GRM7: variants seen among roughly 807,000 people sequenced by gnomAD.
The protein encoded by GRM7 is glutamate metabotropic receptor 7, also known as metabotropic glutamate receptor 7.
A neutral mutation model predicts 84.5 loss-of-function variants in GRM7; 35 were observed. The observed-to-expected ratio is 0.41, with a 90% CI of 0.32 to 0.55. The LOEUF is 0.55. GRM7 is among the 20% of genes least tolerant of loss of function. The pLI is 0.19. For missense variants in GRM7, 1,003 were observed against 1,194.6 expected (o/e 0.84, Z 2.36); for synonymous variants, 487 against 455.1 (o/e 1.07, Z -0.89).
chr3:7,325,327 C>T (rs7635246), intron 4 of GRM7, among the ~76,000 whole-genome samples: 9,460 of 152,176 alleles, frequency 0.062, 886 homozygotes, highest in African/African-American at 0.2. Flanking sequence ...GACCAAAGGA[C>T]CAAAGATTCT....
chr3:7,019,406 GTATT>G (rs1407774020), intron 1 of GRM7, among the ~76,000 whole-genome samples: 4 of 152,138 alleles, frequency 2.6e-5, no homozygotes, highest in Non-Finnish European at 5.9e-5. Context: ...CTCATACAGA[GTATT>G]TTCACTGCTA....
intron 7 of GRM7, among the ~76,000 whole-genome samples, chr3:7,493,080 AT>A (rs1227498703): frequency 2.0e-5 from 3 of 152,094 alleles, no homozygotes; most frequent in African/African-American, 7.2e-5. Context: ...AAGTATGTTT[AT>A]GATAAACATG....
intron 1 of GRM7, among the ~76,000 whole-genome samples, chr3:7,073,873 C>T (rs1239691672): frequency 6.6e-6 from 1 of 152,052 alleles, no homozygotes; most frequent in African/African-American, 2.4e-5. Context: ...AAGGTGGAAA[C>T]AAATGTCATG....
At chr3:7,304,295 T>A (rs1700110450) in intron 3 of GRM7, among the ~76,000 whole-genome samples, 1 of 46,062 alleles carries the variant, frequency 2.2e-5, no homozygotes, top group Admixed American at 2.3e-4. Flanking sequence ...TGCTCCATCA[T>A]CCATCATCCA....
intron 7 of GRM7, among the ~76,000 whole-genome samples, chr3:7,529,841 G>C (rs1263467183): frequency 1.3e-5 from 2 of 151,644 alleles, no homozygotes; most frequent in African/African-American, 2.4e-5. Context: ...ACTCAACCTG[G>C]GGAACAAATA....
chr3:7,685,679 A>C (rs569878530), intron 9 of GRM7, among the ~76,000 whole-genome samples: 1 of 152,164 alleles, frequency 6.6e-6, no homozygotes, highest in Non-Finnish European at 1.5e-5. Flanking sequence ...TTGTGCTACC[A>C]TATTTGCATC....
chr3:7,440,722 C>G (rs1345350486), intron 5 of GRM7, among the ~76,000 whole-genome samples: 1 of 152,048 alleles, frequency 6.6e-6, no homozygotes, highest in Non-Finnish European at 1.5e-5. Flanking sequence ...TGTAGCTCCC[C>G]CTTATAAGTG....
At chr3:7,262,363 A>C (rs1698464162) in intron 2 of GRM7, among the ~76,000 whole-genome samples, 5 of 152,210 alleles carry the variant, frequency 3.3e-5, no homozygotes, top group African/African-American at 1.2e-4. Flanking sequence ...TCAAGCTTTG[A>C]GATTACTTCT....
rs536476625 is a variant in GRM7 at position 7,651,238 on chromosome 3, A to G, written c.2452-28811A>G. Reference sequence around the variant, plus strand: ...ATCCTGGAAAAGAATTAAAGCCACAAGATAGGTGGGAGTGAAGGGGAATTG... The same window carrying G: ...ATCCTGGAAAAGAATTAAAGCCACAGGATAGGTGGGAGTGAAGGGGAATTG... On this transcript the variant is annotated intron_variant, in intron 8 of 9. Transcript: ENST00000357716. Among the ~76,000 whole-genome samples, 20 of 152,278 alleles carry G rather than the reference A, an allele frequency of 1.3e-4. No individual in the cohort carries two copies. In the South Asian group the frequency reaches 1.9e-3, roughly 14 times the overall value.
chr3:7,120,743 C>T (rs576337004), intron 1 of GRM7, among the ~76,000 whole-genome samples: 84 of 152,232 alleles, frequency 5.5e-4, no homozygotes, highest in Middle Eastern at 3.4e-3. Context: ...ATGTTTGACC[C>T]GTAACAGTTT....
chr3:7,675,636 C>A lies in GRM7; in HGVS notation c.2452-4413C>A, dbSNP rs896954542. Among the ~76,000 whole-genome samples the A allele has an allele frequency of 2.0e-5, 3 of 152,304 alleles. No homozygotes were observed. In the South Asian group the frequency reaches 6.2e-4, roughly 32 times the overall value. ...ATTGAATTCACCACATATTTATGCA[C>A]TTTAATAGAATATTTGCTGGTACAT... On this transcript the variant is annotated intron_variant, in intron 8 of 9. Transcript: ENST00000357716.
At chr3:7,155,966 A>G (rs938118280) in intron 2 of GRM7, among the ~76,000 whole-genome samples, 5 of 152,194 alleles carry the variant, frequency 3.3e-5, no homozygotes, top group African/African-American at 1.2e-4. Flanking sequence ...ATTGTCCATA[A>G]TCACTGGACA....
intron 8 of GRM7, among the ~76,000 whole-genome samples, chr3:7,656,692 C>T (rs1025737230): frequency 2.0e-5 from 3 of 151,750 alleles, no homozygotes; most frequent in Non-Finnish European, 4.4e-5. Context: ...TCAAGATACT[C>T]GATGGCCCCA....
chr3:7,022,544 C>A (rs759610518), intron 1 of GRM7, among the ~76,000 whole-genome samples: 14 of 151,668 alleles, frequency 9.2e-5, no homozygotes, highest in Middle Eastern at 3.2e-3. Context: ...AAAATATTTT[C>A]TTTTAAAATC....
chr3:7,442,415 GTTTGAC>G (rs993981268), intron 5 of GRM7, among the ~76,000 whole-genome samples: 1 of 152,164 alleles, frequency 6.6e-6, no homozygotes, highest in African/African-American at 2.4e-5. Context: ...AACAGAGATA[GTTTGAC>G]TTTGTTTCCT....
intron 1 of GRM7, chr3:6,884,088 T>C (rs988958030): frequency 6.6e-6 from 1 of 152,654 alleles, no homozygotes; most frequent in Non-Finnish European, 1.5e-5. Context: ...GTGCCATCCA[T>C]TGGTAAATAG....
chr3:7,281,059 T>C (rs1284013217), intron 2 of GRM7, among the ~76,000 whole-genome samples: 1 of 152,174 alleles, frequency 6.6e-6, no homozygotes, highest in African/African-American at 2.4e-5. Flanking sequence ...ATGGTTCTCT[T>C]TGGTGCTCTC....
At chr3:7,014,485 A>C (rs1470039848) in intron 1 of GRM7, among the ~76,000 whole-genome samples, 1 of 151,930 alleles carries the variant, frequency 6.6e-6, no homozygotes, top group African/African-American at 2.4e-5. Context: ...GGGATTACAG[A>C]GGTGCACCAC....
At chr3:7,203,429 C>T (rs1003473390) in intron 2 of GRM7, among the ~76,000 whole-genome samples, 13 of 151,960 alleles carry the variant, frequency 8.6e-5, no homozygotes, top group Non-Finnish European at 1.8e-4. Context: ...ATATCGTGTA[C>T]GTGTGTTTGT....
Sources: gnomAD v4.1 joint callset for allele counts (sites outside exome capture counted in the v4.1 genomes callset) on GRCh38, gnomAD v4.1.1 for gene constraint, MANE v1.5 for transcripts, NCBI Gene and HGNC (gene_info 2026-07-23, HGNC 2026-07-21) for gene names.